The following PARN variants were observed in gnomAD, a reference collection of about 807,000 sequenced individuals.
The protein encoded by PARN is poly(A)-specific ribonuclease.
PARN carries 71 observed loss-of-function variants against 102.8 expected under a neutral mutation model. The ratio of observed to expected loss-of-function variants is 0.69; its 90% confidence interval spans 0.57 to 0.84. The LOEUF (loss-of-function observed/expected upper bound fraction) is 0.84, where lower values mean the gene tolerates loss of function less well. PARN is among the 40% of genes least tolerant of loss of function. The pLI is 0.00. For synonymous variants in PARN, 261 were observed against 252.9 expected (o/e 1.03, Z -0.30); for missense variants, 782 against 760.9 (o/e 1.03, Z -0.33).
chr16:14,483,697 C>T (rs1475756995), intron 21 of PARN, among the ~76,000 whole-genome samples: 2 of 151,918 alleles, frequency 1.3e-5, no homozygotes, highest in Admixed American at 6.6e-5. Flanking sequence ...CTTCACTGGA[C>T]GAAGGCGCCT....
At chr16:14,496,562 C>G (rs1254472577) in intron 21 of PARN, among the ~76,000 whole-genome samples, 3 of 152,148 alleles carry the variant, frequency 2.0e-5, no homozygotes, top group African/African-American at 7.2e-5. Flanking sequence ...TTACAACATT[C>G]TTCACACTTC....
chr16:14,552,446 C>G (rs1439120632), intron 20 of PARN, among the ~76,000 whole-genome samples: 1 of 152,188 alleles, frequency 6.6e-6, no homozygotes, highest in African/African-American at 2.4e-5. Flanking sequence ...TAACAAAAAT[C>G]AGAGACCACA....
intron 21 of PARN, among the ~76,000 whole-genome samples, chr16:14,545,227 C>A (rs918285320): frequency 1.3e-5 from 2 of 152,072 alleles, no homozygotes; most frequent in Non-Finnish European, 1.5e-5. Flanking sequence ...ATAAGACTAA[C>A]CAATATTGAT....
Position 14,608,155 on chromosome 16 carries a change from A to C in PARN, c.659+126T>G. On this transcript the variant is annotated intron_variant, in intron 9 of 23. Coordinates refer to ENST00000437198, the MANE Select transcript of PARN (RefSeq NM_002582.4). ...GTATTCAACTTAAGAAAGTAGGGGG[A>C]ACTTCATGTAGTCAAATCACTGAGA... The C allele has an allele frequency of 4.3e-6, 3 of 694,324 alleles. No individual in the cohort carries two copies. The South Asian group carries it at 5.3e-5, about 12-fold the overall frequency. 43.0% of individuals were successfully genotyped at this position (694,324 alleles called of 1,614,324 possible). A position where few individuals can be genotyped will look rare whatever the true frequency, so the allele number is the denominator to read the frequency against.
chr16:14,629,718 T>C lies in PARN; in HGVS notation c.20-44A>G, dbSNP rs199781412. The C allele has an allele frequency of 1.6e-3, 2,312 of 1,424,554 alleles. 3 individuals are homozygous for C. The highest frequency in any genetic ancestry group is 1.9e-3 in the Non-Finnish European group (1,901 of 1,007,002). The allele number at this position is 1,424,554 out of a possible 1,614,324, so 88.2% of individuals were successfully genotyped here. ...GAGGCTCAGAACCAGTGGCCTGAATTCCTGCTAAGGGGAGAGGGAAGGAGG... is the reference window on the plus strand; with the variant it reads ...GAGGCTCAGAACCAGTGGCCTGAATCCCTGCTAAGGGGAGAGGGAAGGAGG... On this transcript the variant is annotated intron_variant, in intron 1 of 23. Coordinates refer to ENST00000437198, the MANE Select transcript of PARN (RefSeq NM_002582.4).
At chr16:14,591,545 G>A (rs1024928414) in intron 13 of PARN, among the ~76,000 whole-genome samples, 5 of 152,120 alleles carry the variant, frequency 3.3e-5, no homozygotes, top group Non-Finnish European at 5.9e-5. Flanking sequence ...ATGGCATTTC[G>A]GGGCTACAGT....
At chr16:14,626,548 T>C (rs762506477) in intron 5 of PARN, among the ~76,000 whole-genome samples, 1 of 152,072 alleles carries the variant, frequency 6.6e-6, no homozygotes, top group Non-Finnish European at 1.5e-5. Context: ...AATTCAGCTT[T>C]AGAATTACTA....
intron 21 of PARN, among the ~76,000 whole-genome samples, chr16:14,550,436 T>G (rs1318904254): frequency 6.6e-6 from 1 of 152,150 alleles, no homozygotes; most frequent in Non-Finnish European, 1.5e-5. Context: ...ATGGAATCCT[T>G]ACAATAACAC....
At chr16:14,552,227 C>T (rs1323433494) in intron 20 of PARN, 132 bp from the exon 21 acceptor site, 2 of 616,168 alleles carry the variant, frequency 3.2e-6, no homozygotes, top group Non-Finnish European at 5.7e-6. Flanking sequence ...AAAATGTGAT[C>T]AAAATCTCAG....
chr16:14,597,274 T>A (rs1226996123), intron 12 of PARN, among the ~76,000 whole-genome samples: 11 of 152,192 alleles, frequency 7.2e-5, no homozygotes, highest in Non-Finnish European at 1.5e-4. Context: ...CCCAAGATAT[T>A]CATAAACTAT....
At chr16:14,503,195 G>C (rs1487052748) in intron 21 of PARN, among the ~76,000 whole-genome samples, 4 of 152,088 alleles carry the variant, frequency 2.6e-5, no homozygotes, top group African/African-American at 9.7e-5. Context: ...GAGAACACCA[G>C]AAAGGAAAAG....
At chr16:14,628,719 G>T (rs909345758) in intron 2 of PARN, among the ~76,000 whole-genome samples, 1 of 152,176 alleles carries the variant, frequency 6.6e-6, no homozygotes, top group Non-Finnish European at 1.5e-5. Flanking sequence ...GCTTCCTAGG[G>T]AAGTGATTCC....
chr16:14,487,750 G>T (rs1179357320), intron 21 of PARN, among the ~76,000 whole-genome samples: 5 of 152,152 alleles, frequency 3.3e-5, no homozygotes. Flanking sequence ...AACGGGAGAG[G>T]AAGTTGACTA....
At chr16:14,599,828 A>C in intron 12 of PARN, 76 bp downstream of exon 12, 1 of 844,306 alleles carries the variant, frequency 1.2e-6, no homozygotes, top group South Asian at 1.6e-5. Context: ...TGAAATGATT[A>C]ATCTGCAATG....
intron 16 of PARN, among the ~76,000 whole-genome samples, chr16:14,583,746 T>C (rs187301720): frequency 1.4e-3 from 214 of 152,278 alleles, no homozygotes; most frequent in African/African-American, 4.6e-3. Flanking sequence ...AATCACCGTA[T>C]CAGCAGCACA....
At chr16:14,471,799 C>T (rs1413512957) in intron 22 of PARN, among the ~76,000 whole-genome samples, 1 of 152,142 alleles carries the variant, frequency 6.6e-6, no homozygotes, top group Non-Finnish European at 1.5e-5. Context: ...GCATAATGTC[C>T]TCAAGGTGCT....
intron 22 of PARN, among the ~76,000 whole-genome samples, chr16:14,474,089 C>T (rs994683845): frequency 1.3e-5 from 2 of 152,102 alleles, no homozygotes; most frequent in African/African-American, 4.8e-5. Context: ...ACTTTCTGAG[C>T]TCAAGCCATT....
Position 14,453,143 on chromosome 16 carries a change from A to G in PARN, c.1671-6062T>C, listed in dbSNP as rs144590250. Among the ~76,000 whole-genome samples the G allele has an allele frequency of 8.5e-3, 1,290 of 152,358 alleles. 22 individuals are homozygous for G. Among genetic ancestry groups the G allele is most frequent in the African/African-American group, 0.029 (1,209 of 41,574 alleles). ...TACAAAGTGAGCTAGTTTATAATGA[A>G]TAAGAAGTGGACATTTAAATCCACT... On this transcript the variant is annotated intron_variant, in intron 22 of 23. Transcript: ENST00000437198.
chr16:14,513,809 T>A (rs1965321048), intron 21 of PARN, among the ~76,000 whole-genome samples: 1 of 152,224 alleles, frequency 6.6e-6, no homozygotes, highest in South Asian at 2.1e-4. Context: ...CCTCCCTGAC[T>A]GCCGCAGACG....
Sources: gnomAD v4.1 joint callset for allele counts (sites outside exome capture counted in the v4.1 genomes callset) on GRCh38, gnomAD v4.1.1 for gene constraint, MANE v1.5 for transcripts, NCBI Gene and HGNC (gene_info 2026-07-23, HGNC 2026-07-21) for gene names.